Variants in HIPK1 observed in about 807,000 individuals in gnomAD.
HIPK1 encodes the protein homeodomain-interacting protein kinase 1.
Under a neutral mutation model 117.1 loss-of-function variants are expected in HIPK1, and 28 were observed. The observed-to-expected ratio is 0.24, with a 90% CI of 0.18 to 0.33. HIPK1 has a LOEUF of 0.33. HIPK1 is among the 10% of genes least tolerant of loss of function. The pLI is 1.00. For missense variants in HIPK1, 1,122 were observed against 1,475.1 expected, an observed-to-expected ratio of 0.76 and a Z score of 3.92; for synonymous variants, 605 against 562.5, an observed-to-expected ratio of 1.08 and a Z score of -1.07.
intron 11 of HIPK1, 55 bp from the exon 12 acceptor site, chr1:113,967,711 C>G: frequency 7.6e-7 from 1 of 1,307,874 alleles, no homozygotes; most frequent in Non-Finnish European, 1.0e-6. Context: ...TCTGTTTGGT[C>G]CTGATTCTTC....
rs189380650 is a variant in HIPK1, at chr1:113,976,499, C to A, written c.*2987C>A. 1,154 of 152,860 alleles carry A rather than the reference C, an allele frequency of 7.5e-3. 21 individuals are homozygous for A. The highest frequency in any genetic ancestry group is 6.7e-3 in the Non-Finnish European group (456 of 68,022). The allele number at this position is 152,860 out of a possible 1,614,324, so 9.5% of individuals were successfully genotyped here. A position where few individuals can be genotyped will look rare whatever the true frequency, so the allele number is the denominator to read the frequency against. ...TGCACCCCAGTCCAATAAGCAGATA[C>A]CACTTAAGATAGGAGTCTAAACTCC... On this transcript the variant is annotated 3_prime_UTR_variant, in exon 16 of 16. Transcript: ENST00000426820.
At chr1:113,956,068 T>C (rs1242121117) in intron 5 of HIPK1, among the ~76,000 whole-genome samples, 1 of 72,194 alleles carries the variant, frequency 1.4e-5, no homozygotes, top group African/African-American at 5.3e-5. Flanking sequence ...ACTTGTTCCA[T>C]TTTTTTTTTT....
intron 5 of HIPK1, 57 bp from the exon 6 acceptor site, chr1:113,956,570 G>A (rs1671742970): frequency 8.0e-6 from 10 of 1,250,486 alleles, no homozygotes; most frequent in Non-Finnish European, 1.2e-5. Flanking sequence ...AAGCAGCTAT[G>A]TAGTGTCAGT....
intron 9 of HIPK1, among the ~76,000 whole-genome samples, chr1:113,962,785 G>C (rs540249474): frequency 6.6e-6 from 1 of 151,884 alleles, no homozygotes; most frequent in East Asian, 1.9e-4. Flanking sequence ...GTAGCATTTT[G>C]ATTCTAAAAT....
chr1:113,968,339 TA>T, intron 12 of HIPK1, 102 bp from the exon 13 acceptor site: 5 of 835,538 alleles, frequency 6.0e-6, no homozygotes, highest in Non-Finnish European at 1.0e-5. Flanking sequence ...AATGATTATG[TA>T]AAAAGGAATC....
In HIPK1 at chr1:113,974,125, T is replaced by C. The variant is rs1287380084; in HGVS notation, c.*613T>C. 1.3e-5 allele frequency: 2 copies of C among 152,370 alleles called. No individual in the cohort carries two copies. The highest frequency in any genetic ancestry group is 4.8e-5 in the African/African-American group (2 of 41,464). 9.4% of individuals were successfully genotyped at this position (152,370 alleles called of 1,614,324 possible). On this transcript the variant is annotated 3_prime_UTR_variant, in exon 16 of 16. Transcript: ENST00000426820. ...TATTATACTTAATGGGCAATTGTTATTTTTGCAAAACTGGTTACGTATTAC... is the reference window on the plus strand; with the variant it reads ...TATTATACTTAATGGGCAATTGTTACTTTTGCAAAACTGGTTACGTATTAC...
chr1:113,958,649 T>C (rs1330269598), intron 8 of HIPK1, among the ~76,000 whole-genome samples: 1 of 152,246 alleles, frequency 6.6e-6, no homozygotes, highest in Non-Finnish European at 1.5e-5. Context: ...GCAGAATTGC[T>C]AAATATTGGA....
chr1:113,936,176 C>T (rs942218640), intron 1 of HIPK1, among the ~76,000 whole-genome samples: 5 of 152,118 alleles, frequency 3.3e-5, no homozygotes, highest in African/African-American at 9.7e-5. Context: ...GTAAGAACCC[C>T]GGTGGTCTGA....
At chr1:113,950,585 C>T (rs1218137499) in intron 2 of HIPK1, among the ~76,000 whole-genome samples, 1 of 152,132 alleles carries the variant, frequency 6.6e-6, no homozygotes. Context: ...CTCATTGCAA[C>T]TTATGCCTCC....
chr1:113,971,055 G>A (rs1672793482), intron 14 of HIPK1, among the ~76,000 whole-genome samples: 1 of 152,156 alleles, frequency 6.6e-6, no homozygotes, highest in Non-Finnish European at 1.5e-5. Flanking sequence ...ACATAAACCT[G>A]GGCCATACTT....
At chr1:113,966,836 CTTT>C (rs78432266) in intron 11 of HIPK1, among the ~76,000 whole-genome samples, 8 of 139,226 alleles carry the variant, frequency 5.7e-5, no homozygotes, top group African/African-American at 5.2e-5. Context: ...AGTTCTTATT[CTTT>C]TTTTTTTTTT....
intron 9 of HIPK1, 42 bp from the exon 10 acceptor site, chr1:113,963,345 C>T (rs1672244703): frequency 6.2e-7 from 1 of 1,605,714 alleles, no homozygotes; most frequent in Non-Finnish European, 8.5e-7. Flanking sequence ...AGATATCCTG[C>T]CTCCGTGTTT....
rs1050702132 is a variant in HIPK1 at position 113,942,824 on chromosome 1, A to G, written c.1076+1365A>G. 8.5e-5 allele frequency among the ~76,000 whole-genome samples: 13 copies of G among 152,328 alleles called. No individual in the cohort carries two copies. In the East Asian group the frequency reaches 2.3e-3, roughly 27 times the overall value. On this transcript the variant is annotated intron_variant, in intron 2 of 15. Transcript: ENST00000426820. ...CTTGCCTAGTTATTAATTTTAAGGA[A>G]TCTAATATTTAGTTTTAATGGCCAT...
At chr1:113,968,747 A>G (rs116693528) in intron 13 of HIPK1, 99 bp downstream of exon 13, 23,526 of 926,746 alleles carry the variant, frequency 0.025, 419 homozygotes, top group Middle Eastern at 0.045. Flanking sequence ...CCGGTGGGGC[A>G]TGGTGGCTCA....
intron 2 of HIPK1, among the ~76,000 whole-genome samples, chr1:113,949,308 A>C (rs1337050383): frequency 6.6e-6 from 1 of 152,124 alleles, no homozygotes; most frequent in Non-Finnish European, 1.5e-5. Context: ...ATTTTGGCTC[A>C]TTGCCAGTTG....
intron 8 of HIPK1, 69 bp downstream of exon 8, chr1:113,958,360 T>G: frequency 9.4e-7 from 1 of 1,061,748 alleles, no homozygotes; most frequent in Non-Finnish European, 1.4e-6. Context: ...GCTCTAGTTG[T>G]TTAGTTCTGA....
chr1:113,937,199 G>C (rs896913602), intron 1 of HIPK1, among the ~76,000 whole-genome samples: 1 of 152,028 alleles, frequency 6.6e-6, no homozygotes, highest in Admixed American at 6.6e-5. Context: ...AACTCTTAAA[G>C]TAAATCTCAA....
intron 8 of HIPK1, among the ~76,000 whole-genome samples, chr1:113,959,539 GT>G (rs1306019652): frequency 1.3e-5 from 2 of 152,172 alleles, no homozygotes; most frequent in Non-Finnish European, 2.9e-5. Flanking sequence ...TTTCCGAAGA[GT>G]TTCATTGGAA....
intron 1 of HIPK1, among the ~76,000 whole-genome samples, chr1:113,934,199 A>G (rs2101122760): frequency 6.6e-6 from 1 of 152,370 alleles, no homozygotes; most frequent in Non-Finnish European, 1.5e-5. Context: ...AGGCAAAGAT[A>G]ACATTGAGCA....
Sources: allele counts gnomAD v4.1 joint callset (sites outside exome capture counted in the v4.1 genomes callset), GRCh38; gene constraint gnomAD v4.1.1; transcripts MANE v1.5; gene names NCBI Gene and HGNC (gene_info 2026-07-23, HGNC 2026-07-21).